TMLHE: variants seen among roughly 807,000 people sequenced by gnomAD.
TMLHE encodes trimethyllysine hydroxylase, epsilon.
A neutral mutation model predicts 25.7 loss-of-function variants in TMLHE; 18 were observed. That is an observed-to-expected ratio of 0.70 (90% CI 0.48 to 1.04). The LOEUF is 1.04. Ranked by LOEUF, TMLHE falls within the 50% of genes least tolerant of loss-of-function variation. The pLI is 0.00. For synonymous variants in TMLHE, 105 were observed against 97.0 expected, an observed-to-expected ratio of 1.08 and a Z score of -0.49; for missense variants, 236 against 259.0, an observed-to-expected ratio of 0.91 and a Z score of 0.61.
chrX:155,549,115 AAC>A (rs1276911462), intron 1 of TMLHE, among the ~76,000 whole-genome samples: 1 of 111,620 alleles, frequency 9.0e-6, no homozygotes, highest in Admixed American at 9.4e-5. Flanking sequence ...TCTTAATAAA[AAC>A]AGTTATTACT....
At chrX:155,579,474 A>G (rs1377148863) in intron 1 of TMLHE, among the ~76,000 whole-genome samples, 4 of 112,185 alleles carry the variant, frequency 3.6e-5, no homozygotes, top group Non-Finnish European at 7.5e-5. Flanking sequence ...GGTCTTTGAC[A>G]AAGGTGACAA....
chrX:155,556,614 C>T (rs782701957), intron 1 of TMLHE, among the ~76,000 whole-genome samples: 18 of 109,071 alleles, frequency 1.7e-4, no homozygotes, highest in African/African-American at 6.0e-4. Context: ...CAAGTGGAGG[C>T]AGGGCGAGAT....
At chrX:155,607,190 G>A (rs1284973980) in intron 1 of TMLHE, among the ~76,000 whole-genome samples, 1 of 110,353 alleles carries the variant, frequency 9.1e-6, no homozygotes, top group Non-Finnish European at 1.9e-5. Context: ...GCCAATATCC[G>A]TGAAGAAAGT....
intron 3 of TMLHE, among the ~76,000 whole-genome samples, chrX:155,518,940 T>G (rs1466271500): frequency 2.3e-5 from 1 of 44,181 alleles, no homozygotes; most frequent in Non-Finnish European, 5.8e-5. Flanking sequence ...GCTAGCGGTC[T>G]ATCAATTTTG....
intron 1 of TMLHE, among the ~76,000 whole-genome samples, chrX:155,600,647 A>G (rs1381887340): frequency 8.9e-6 from 1 of 111,952 alleles, no homozygotes; most frequent in African/African-American, 3.2e-5. Context: ...CTACTGCACG[A>G]GACAGCTATA....
chrX:155,559,008 TAA>T (rs1364983864), intron 1 of TMLHE, among the ~76,000 whole-genome samples: 1 of 111,766 alleles, frequency 8.9e-6, no homozygotes, highest in Non-Finnish European at 1.9e-5. Flanking sequence ...GAAGCTAACT[TAA>T]GAGACATTTA....
intron 1 of TMLHE, among the ~76,000 whole-genome samples, chrX:155,594,324 AG>A (rs1354187392): frequency 2.7e-5 from 3 of 110,518 alleles, no homozygotes; most frequent in African/African-American, 1.0e-4. Context: ...GGGGAAACCC[AG>A]CAACCAAGAT....
At chrX:155,551,612 G>T (rs2067416290) in intron 1 of TMLHE, among the ~76,000 whole-genome samples, 1 of 109,600 alleles carries the variant, frequency 9.1e-6, no homozygotes. Context: ...TTCAGTTCTA[G>T]TATTTCCACT....
At chrX:155,582,384 A>G (rs1299640643) in intron 1 of TMLHE, among the ~76,000 whole-genome samples, 5 of 112,099 alleles carry the variant, frequency 4.5e-5, no homozygotes, top group African/African-American at 9.7e-5. Flanking sequence ...GAGTGAACAG[A>G]CAACCTACAG....
At chrX:155,559,826 A>G (rs1409839037) in intron 1 of TMLHE, among the ~76,000 whole-genome samples, 2 of 111,996 alleles carry the variant, frequency 1.8e-5, no homozygotes, top group African/African-American at 6.5e-5. Flanking sequence ...CCTTGCCTTC[A>G]GTCCATCCAT....
At chrX:155,524,224 TC>T (rs2067205568) in intron 3 of TMLHE, 3 of 283,015 alleles carry the variant, frequency 1.1e-5, no homozygotes, top group Non-Finnish European at 1.9e-5. Context: ...CTTGCCATGT[TC>T]CCTGTCTTAG....
intron 1 of TMLHE, among the ~76,000 whole-genome samples, chrX:155,547,183 C>T (rs1038065004): frequency 2.0e-4 from 20 of 100,225 alleles, no homozygotes; most frequent in Non-Finnish European, 3.5e-4. Context: ...CTTGCTCTGT[C>T]GCCCAGGCTG....
intron 1 of TMLHE, among the ~76,000 whole-genome samples, chrX:155,591,209 TAAAG>T (rs1179556410): frequency 9.0e-6 from 1 of 110,843 alleles, no homozygotes; most frequent in African/African-American, 3.3e-5. Context: ...CTGATAGAAT[TAAAG>T]AAAGAAAGAA....
At chrX:155,590,416 T>C (rs1311543238) in intron 1 of TMLHE, among the ~76,000 whole-genome samples, 1 of 112,236 alleles carries the variant, frequency 8.9e-6, no homozygotes, top group Non-Finnish European at 1.9e-5. Context: ...TATAAATTAA[T>C]CTAAAAGACT....
At chrX:155,598,586 A>C (rs929343825) in intron 1 of TMLHE, among the ~76,000 whole-genome samples, 2 of 107,044 alleles carry the variant, frequency 1.9e-5, no homozygotes, top group Admixed American at 2.0e-4. Context: ...TAGCATTAGG[A>C]GATATACCTA....
chrX:155,605,530 T>C (rs1398434202), intron 1 of TMLHE, among the ~76,000 whole-genome samples: 3 of 111,932 alleles, frequency 2.7e-5, no homozygotes, highest in Non-Finnish European at 3.8e-5. Flanking sequence ...ATCTTTTTTT[T>C]AGACAAGCAA....
chrX:155,582,009 A>C (rs1377069297), intron 1 of TMLHE, among the ~76,000 whole-genome samples: 4 of 111,992 alleles, frequency 3.6e-5, no homozygotes, highest in Non-Finnish European at 5.6e-5. Flanking sequence ...GAGCCCTCAG[A>C]AATAATACCA....
intron 1 of TMLHE, among the ~76,000 whole-genome samples, chrX:155,588,135 T>C (rs1483040041): frequency 2.7e-5 from 3 of 112,076 alleles, no homozygotes; most frequent in Non-Finnish European, 5.6e-5. Context: ...AGCATGGCAT[T>C]GGTATAAAAA....
At chrX:155,591,804 TA>T (rs1569562248) in intron 1 of TMLHE, among the ~76,000 whole-genome samples, 1 of 111,564 alleles carries the variant, frequency 9.0e-6, no homozygotes, top group Non-Finnish European at 1.9e-5. Context: ...CTAAAAAAAT[TA>T]AAAATGGAAT....
Sources: gnomAD v4.1 joint callset for allele counts (sites outside exome capture counted in the v4.1 genomes callset) on GRCh38, gnomAD v4.1.1 for gene constraint, MANE v1.5 for transcripts, NCBI Gene and HGNC (gene_info 2026-07-23, HGNC 2026-07-21) for gene names.